COMMD1: variants seen among roughly 807,000 people sequenced by gnomAD.
COMMD1 encodes the protein COMM domain-containing protein 1.
Under a neutral mutation model 17.2 loss-of-function variants are expected in COMMD1, and 10 were observed. The observed-to-expected ratio is 0.58, with a 90% CI of 0.36 to 0.99. COMMD1 has a LOEUF of 0.99. Ranked by LOEUF, COMMD1 falls within the 50% of genes least tolerant of loss-of-function variation. COMMD1 has a pLI of 0.01. For synonymous variants in COMMD1, 97 were observed against 91.6 expected (o/e 1.06, Z -0.34); for missense variants, 270 against 231.8 (o/e 1.17, Z -1.07).
At chr2:61,949,214 A>G (rs1670988742) in intron 1 of COMMD1, among the ~76,000 whole-genome samples, 1 of 152,156 alleles carries the variant, frequency 6.6e-6, no homozygotes. Flanking sequence ...GTGGCAGAGC[A>G]TATAGTCAGC....
At chr2:61,902,695 T>G (rs1558515439), upstream of COMMD1, among the ~76,000 whole-genome samples, 1 of 152,100 alleles carries the variant, frequency 6.6e-6, no homozygotes, top group Non-Finnish European at 1.5e-5. Context: ...TTATAAAGAA[T>G]AATATAGCTG....
chr2:62,000,734 C>T lies in COMMD1; in HGVS notation c.214C>T (p.Leu72=), dbSNP rs779258244. 1.1e-5 allele frequency: 18 copies of T among 1,613,996 alleles called. No homozygotes were observed. In the South Asian group the frequency reaches 1.4e-4, roughly 13 times the overall value. ...IASADMDFNQ[L]EAFLTAQTKK... ...GTCTGCAGACATGGATTTCAACCAG[C>T]TGGAGGCATTCTTGACTGCTCAAAC... is the stretch of plus-strand genomic sequence containing the variant. The change falls in exon 2 of 3, where the codon CTG becomes TTG. Residue 72 remains leucine (L), a synonymous_variant. Coordinates refer to ENST00000311832, the MANE Select transcript of COMMD1 (RefSeq NM_152516.4).
chr2:62,022,638 T>A lies in COMMD1; in HGVS notation c.462+21656T>A, dbSNP rs185495725. Among the ~76,000 whole-genome samples, 290 of 151,994 alleles carry A rather than the reference T, an allele frequency of 1.9e-3. 2 individuals carry two copies. Among genetic ancestry groups the A allele is most frequent in the African/African-American group, 6.0e-3 (250 of 41,464 alleles). The stretch of plus-strand genomic sequence containing the variant: ...CAATAGCTGCATATCACTTTTTTTT[T>A]AAAACAATTAATTGGAAATACTTCT... On this transcript the variant is annotated intron_variant, in intron 2 of 2. Coordinates refer to ENST00000311832, the MANE Select transcript of COMMD1 (RefSeq NM_152516.4).
chr2:61,992,619 C>G (rs1672279522), intron 1 of COMMD1, among the ~76,000 whole-genome samples: 1 of 152,158 alleles, frequency 6.6e-6, no homozygotes, highest in African/African-American at 2.4e-5. Flanking sequence ...GAAAACTTGC[C>G]AACTCCCGTT....
intron 2 of COMMD1, among the ~76,000 whole-genome samples, chr2:62,004,722 T>C (rs550356839): frequency 6.6e-6 from 1 of 152,342 alleles, no homozygotes; most frequent in East Asian, 1.9e-4. Context: ...GGAAATGTTT[T>C]TGTGAGAACT....
chr2:62,098,610 C>T (rs1672083989), intron 2 of COMMD1, among the ~76,000 whole-genome samples: 2 of 152,358 alleles, frequency 1.3e-5, no homozygotes, highest in South Asian at 4.1e-4. Context: ...TTCCTGAAAA[C>T]TGTTTGAATG....
intron 1 of COMMD1, among the ~76,000 whole-genome samples, chr2:61,964,735 T>G (rs560687066): frequency 6.6e-6 from 1 of 152,290 alleles, no homozygotes; most frequent in African/African-American, 2.4e-5. Context: ...AGGCTGGGCA[T>G]GGTGGCTCAG....
At chr2:62,001,072 A>T (rs1327212380) in intron 2 of COMMD1, 90 bp downstream of exon 2, 1 of 1,222,036 alleles carries the variant, frequency 8.2e-7, no homozygotes, top group Non-Finnish European at 1.2e-6. Flanking sequence ...ATGCAATAAC[A>T]GCAACAGGAA....
chr2:62,112,187 T>A lies in COMMD1; in HGVS notation c.463-23644T>A, dbSNP rs535446348. Among the ~76,000 whole-genome samples the A allele has an allele frequency of 3.1e-4, 47 of 152,310 alleles. No homozygotes were observed. The South Asian group carries it at 8.9e-3, about 29-fold the overall frequency. On this transcript the variant is annotated intron_variant, in intron 2 of 2. Coordinates refer to ENST00000311832, the MANE Select transcript of COMMD1 (RefSeq NM_152516.4). ...CTGGCCTTTTCTGATTCCAAATATTTGAGTGCAGTGGGTGGTCATGTTGAA... is the reference window on the plus strand; with the variant it reads ...CTGGCCTTTTCTGATTCCAAATATTAGAGTGCAGTGGGTGGTCATGTTGAA...
At chr2:62,030,187 A>G (rs1573091368) in intron 2 of COMMD1, among the ~76,000 whole-genome samples, 1 of 152,220 alleles carries the variant, frequency 6.6e-6, no homozygotes. Flanking sequence ...CTTATGGCCC[A>G]CAGTGAAACA....
chr2:62,028,550 G>A (rs1256948158), intron 2 of COMMD1, among the ~76,000 whole-genome samples: 1 of 152,034 alleles, frequency 6.6e-6, no homozygotes, highest in African/African-American at 2.4e-5. Context: ...TCCAGCCTAG[G>A]CGACAGAGTG....
intron 2 of COMMD1, among the ~76,000 whole-genome samples, chr2:62,101,029 C>G (rs1672164325): frequency 6.6e-6 from 1 of 151,148 alleles, no homozygotes; most frequent in African/African-American, 2.4e-5. Flanking sequence ...TAAAACCCAT[C>G]TGATGAGAAT....
intron 1 of COMMD1, among the ~76,000 whole-genome samples, chr2:61,988,580 A>T (rs2103772602): frequency 6.6e-6 from 1 of 152,124 alleles, no homozygotes; most frequent in Admixed American, 6.5e-5. Flanking sequence ...TCTCAAGTTG[A>T]AGGAAGGAGT....
intron 1 of COMMD1, among the ~76,000 whole-genome samples, chr2:61,945,950 A>G (rs1670894028): frequency 6.6e-6 from 1 of 152,148 alleles, no homozygotes; most frequent in Admixed American, 6.5e-5. Context: ...TTCTTATCAG[A>G]CTTAAAGTCT....
intron 1 of COMMD1, among the ~76,000 whole-genome samples, chr2:61,995,293 T>C (rs896080250): frequency 3.9e-5 from 6 of 152,142 alleles, no homozygotes; most frequent in Non-Finnish European, 5.9e-5. Flanking sequence ...ATTTCCCAGT[T>C]ACCTAGCCTT....
chr2:62,130,989 G>C (rs1673014723), intron 2 of COMMD1, among the ~76,000 whole-genome samples: 1 of 152,226 alleles, frequency 6.6e-6, no homozygotes, highest in Admixed American at 6.5e-5. Flanking sequence ...GAGGAGTGTT[G>C]AGTGGTTACC....
chr2:62,017,968 T>C (rs1431565032), intron 2 of COMMD1, among the ~76,000 whole-genome samples: 2 of 147,238 alleles, frequency 1.4e-5, no homozygotes, highest in Non-Finnish European at 3.0e-5. Context: ...CACTGGAGCC[T>C]GGGAGGGGAG....
At chr2:62,113,897 A>G (rs1166580127) in intron 2 of COMMD1, among the ~76,000 whole-genome samples, 2 of 152,232 alleles carry the variant, frequency 1.3e-5, no homozygotes, top group Non-Finnish European at 2.9e-5. Context: ...TGATGAAGAG[A>G]AATATAAAGG....
intron 1 of COMMD1, among the ~76,000 whole-genome samples, chr2:61,988,826 C>G (rs2103773278): frequency 6.6e-6 from 1 of 152,280 alleles, no homozygotes; most frequent in Middle Eastern, 3.4e-3. Context: ...TTGCCGAACT[C>G]AAGTTCTGGC....
Sources: gnomAD v4.1 joint callset for allele counts (sites outside exome capture counted in the v4.1 genomes callset) on GRCh38, gnomAD v4.1.1 for gene constraint, MANE v1.5 for transcripts, NCBI Gene and HGNC (gene_info 2026-07-23, HGNC 2026-07-21) for gene names.